ASAP2: variants seen among roughly 807,000 people sequenced by gnomAD.
ASAP2 encodes arf-GAP with SH3 domain, ANK repeat and PH domain-containing protein 2.
In ASAP2, 45 loss-of-function variants were observed where a neutral mutation model predicts 131.4. The observed-to-expected ratio is 0.34, with a 90% CI of 0.27 to 0.44. ASAP2 has a LOEUF of 0.44. Among genes scored for constraint, ASAP2 ranks in the 20% least tolerant of loss-of-function variants. The pLI is 1.00. For missense variants in ASAP2, 1,011 were observed against 1,297.0 expected (o/e 0.78, Z 3.39); for synonymous variants, 510 against 503.0 (o/e 1.01, Z -0.19).
At chr2:9,362,101 G>A (rs890066738) in intron 15 of ASAP2, among the ~76,000 whole-genome samples, 2 of 151,600 alleles carry the variant, frequency 1.3e-5, no homozygotes, top group Non-Finnish European at 2.9e-5. Flanking sequence ...TCAGAAAAAT[G>A]GTCCCCATGT....
At position 9,217,912 on chromosome 2, in the gene ASAP2, CTTT is replaced by C. The variant is rs34408894; in HGVS notation, c.126+10694_126+10696del. On this transcript the variant is annotated intron_variant, in intron 1 of 27. Coordinates refer to ENST00000281419, the MANE Select transcript of ASAP2 (RefSeq NM_003887.3). This position sits in a 1 kb window ranked among gnomAD's most constrained non-coding sequence, Gnocchi z 4.0. ...TACAGGTGTGAGCCACCACGCCTGG[CTTT>C]TTTTTTTTTTTACATGAAAAAATAA... Among the ~76,000 whole-genome samples the C allele has an allele frequency of 5.5e-5, 8 of 145,196 alleles. No homozygotes were observed. The highest frequency in any genetic ancestry group is 3.0e-5 in the Non-Finnish European group (2 of 66,098).
intron 1 of ASAP2, among the ~76,000 whole-genome samples, chr2:9,253,977 G>A (rs960062923): frequency 2.0e-5 from 3 of 151,664 alleles, no homozygotes; most frequent in Non-Finnish European, 4.4e-5. Flanking sequence ...GGAGGGCGAG[G>A]TGGGTGGATC....
intron 27 of ASAP2, among the ~76,000 whole-genome samples, chr2:9,402,041 C>T (rs1466796533): frequency 6.6e-6 from 1 of 152,210 alleles, no homozygotes; most frequent in African/African-American, 2.4e-5. Flanking sequence ...GGACAGAAAG[C>T]CCCAGGCTGA....
rs1354644654 is a variant in ASAP2 at position 9,389,255 on chromosome 2, T to C, written c.2383+709T>C. On this transcript the variant is annotated intron_variant, in intron 22 of 27. Coordinates refer to ENST00000281419, the MANE Select transcript of ASAP2 (RefSeq NM_003887.3). This position sits in a 1 kb window ranked among gnomAD's most constrained non-coding sequence, Gnocchi z 4.7. ...GCGAGTGACCCACTCAGCTCTGGGC[T>C]GAGCTCCAGTCGTGGCCATGGCCTT... is the stretch of plus-strand genomic sequence containing the variant. Among the ~76,000 whole-genome samples the C allele has an allele frequency of 6.6e-6, 1 of 152,230 alleles. No individual in the cohort carries two copies. Among genetic ancestry groups the C allele is most frequent in the Non-Finnish European group, 1.5e-5 (1 of 68,026 alleles).
At chr2:9,264,283 A>G (rs983437670) in intron 1 of ASAP2, among the ~76,000 whole-genome samples, 5 of 152,098 alleles carry the variant, frequency 3.3e-5, no homozygotes, top group African/African-American at 1.2e-4. Flanking sequence ...AGGGAGGTAT[A>G]TTTTAGTATT....
At chr2:9,391,250 G>T in intron 23 of ASAP2, 54 bp downstream of exon 23, 1 of 1,566,516 alleles carries the variant, frequency 6.4e-7, no homozygotes. Flanking sequence ...GATCTGGATG[G>T]CGGGGGGTGC....
chr2:9,282,919 C>A lies in ASAP2; in HGVS notation c.199+3530C>A, dbSNP rs543682239. Among the ~76,000 whole-genome samples, 136 of 152,334 alleles carry A rather than the reference C, an allele frequency of 8.9e-4. 3 individuals carry two copies. Among genetic ancestry groups the A allele is most frequent in the South Asian group, 2.5e-3 (12 of 4,826 alleles). ...TCCTGAGTGTGTGCCAGCTGTACTT[C>A]TGTGTCTTTGCACAGCCCCACCCAG... On this transcript the variant is annotated intron_variant, in intron 2 of 27. Coordinates refer to ENST00000281419, the MANE Select transcript of ASAP2 (RefSeq NM_003887.3).
chr2:9,338,874 G>A (rs12467228), intron 9 of ASAP2, among the ~76,000 whole-genome samples: 1 of 152,190 alleles, frequency 6.6e-6, no homozygotes, highest in Non-Finnish European at 1.5e-5. Flanking sequence ...ATGGAGCTTA[G>A]AAGGATGATT....
intron 12 of ASAP2, among the ~76,000 whole-genome samples, chr2:9,353,374 G>A (rs935992801): frequency 6.6e-6 from 1 of 152,100 alleles, no homozygotes; most frequent in Non-Finnish European, 1.5e-5. Context: ...AGACCAGACT[G>A]GGCAACATAG....
intron 3 of ASAP2, among the ~76,000 whole-genome samples, chr2:9,305,809 A>G (rs1289237496): frequency 1.5e-4 from 17 of 114,982 alleles, no homozygotes; most frequent in East Asian, 6.6e-4. Flanking sequence ...TGGAGTAGTG[A>G]CGTATAGATA....
At chr2:9,317,113 C>A (rs1389637220) in intron 3 of ASAP2, among the ~76,000 whole-genome samples, 1 of 58,018 alleles carries the variant, frequency 1.7e-5, no homozygotes, top group Non-Finnish European at 4.0e-5. Flanking sequence ...TCATACCCCA[C>A]GCAATCACAA....
chr2:9,249,867 G>C (rs1186374235), intron 1 of ASAP2, among the ~76,000 whole-genome samples: 2 of 152,222 alleles, frequency 1.3e-5, no homozygotes, highest in Admixed American at 6.5e-5. Context: ...TAGGCTTCCA[G>C]ATTTTTGTTT....
chr2:9,296,062 T>G (rs182970165), intron 2 of ASAP2, among the ~76,000 whole-genome samples: 9 of 152,318 alleles, frequency 5.9e-5, no homozygotes, highest in African/African-American at 2.2e-4. Flanking sequence ...TTTCAGGATC[T>G]GTCCCTTGGT....
intron 16 of ASAP2, among the ~76,000 whole-genome samples, chr2:9,369,066 T>TG (rs1673720533): frequency 6.6e-6 from 1 of 151,746 alleles, no homozygotes; most frequent in Non-Finnish European, 1.5e-5. Context: ...TTACCCAGGC[T>TG]GGAGTGCAGT....
At chr2:9,390,752 T>C (rs895013567) in intron 22 of ASAP2, among the ~76,000 whole-genome samples, 1 of 152,182 alleles carries the variant, frequency 6.6e-6, no homozygotes, top group African/African-American at 2.4e-5. Flanking sequence ...CAAGAGAACA[T>C]TGTGACTGTT....
intron 9 of ASAP2, among the ~76,000 whole-genome samples, chr2:9,338,904 A>C (rs1020867819): frequency 2.0e-5 from 3 of 152,162 alleles, no homozygotes; most frequent in African/African-American, 7.2e-5. Flanking sequence ...CAGGCCAGGC[A>C]TGGTGGCTCA....
chr2:9,348,128 T>C (rs528474774), intron 11 of ASAP2, among the ~76,000 whole-genome samples: 2 of 152,274 alleles, frequency 1.3e-5, no homozygotes, highest in African/African-American at 4.8e-5. Flanking sequence ...GTTTGTTTGT[T>C]TGTTTGTTTG....
intron 24 of ASAP2, chr2:9,399,339 T>C (rs939888772): frequency 6.6e-5 from 10 of 152,412 alleles, no homozygotes; most frequent in African/African-American, 2.2e-4. Flanking sequence ...CCACTGGCAC[T>C]GGTCCTTAGC....
chr2:9,244,027 C>T (rs191868530), intron 1 of ASAP2, among the ~76,000 whole-genome samples: 2 of 152,142 alleles, frequency 1.3e-5, no homozygotes, highest in Non-Finnish European at 2.9e-5. Flanking sequence ...CAGCTGGGCA[C>T]GTTGGCTCAT....
Sources: allele counts gnomAD v4.1 joint callset (sites outside exome capture counted in the v4.1 genomes callset), GRCh38; gene constraint gnomAD v4.1.1; non-coding constraint Gnocchi (gnomAD v3.1); transcripts MANE v1.5; gene names NCBI Gene and HGNC (gene_info 2026-07-23, HGNC 2026-07-21).